Variants in ALDH1L1 observed in about 807,000 individuals in gnomAD.
The protein encoded by ALDH1L1 is aldehyde dehydrogenase 1 family member L1, also known as cytosolic 10-formyltetrahydrofolate dehydrogenase.
A neutral mutation model predicts 101.1 loss-of-function variants in ALDH1L1; 68 were observed. The ratio of observed to expected loss-of-function variants is 0.67; its 90% CI spans 0.55 to 0.82. ALDH1L1 has a LOEUF of 0.82. Ranked by LOEUF, ALDH1L1 falls within the 40% of genes least tolerant of loss-of-function variation. The pLI, the probability that ALDH1L1 is intolerant of heterozygous loss-of-function variation, is 0.00. For missense variants in ALDH1L1, 1,087 were observed against 1,172.7 expected (o/e 0.93, Z 1.07); for synonymous variants, 486 against 470.8 (o/e 1.03, Z -0.42).
chr3:126,112,950 C>A, intron 18 of ALDH1L1, 70 bp from the exon 19 acceptor site: 1 of 1,412,978 alleles, frequency 7.1e-7, no homozygotes. Context: ...TCTGCCAGGG[C>A]CCAGCCGCCT....
chr3:126,183,944 T>G (rs1019862174), upstream of ALDH1L1, among the ~76,000 whole-genome samples: 1 of 152,192 alleles, frequency 6.6e-6, no homozygotes, highest in African/African-American at 2.4e-5. Context: ...AGGATGTAAG[T>G]AGTTTGTGGC....
chr3:126,155,193 A>ATGGACCCTG (rs2080880525), intron 5 of ALDH1L1, among the ~76,000 whole-genome samples: 1 of 152,206 alleles, frequency 6.6e-6, no homozygotes, highest in Admixed American at 6.5e-5. Flanking sequence ...AGAACCTGGA[A>ATGGACCCTG]TGGACCCTGT....
chr3:126,125,643 C>A lies in ALDH1L1; in HGVS notation c.1773G>T (p.Gly591=). 6.3e-7 allele frequency: 1 copy of A among 1,598,208 alleles called. No individual in the cohort carries two copies. The change falls in exon 15 of 23, where the codon GGG becomes GGT. Residue 591 remains glycine, a synonymous_variant. Coordinates refer to ENST00000393434, the MANE Select transcript of ALDH1L1 (RefSeq NM_012190.4). ...GAGCAGGCTTGATCACCACTGTGTT[C>A]CCGGCAGCCAGGCAGGCAGCTGTCT... ...SWKTAACLAA[G]NTVVIKPAQV...
intron 2 of ALDH1L1, among the ~76,000 whole-genome samples, chr3:126,160,124 C>G (rs895162345): frequency 6.6e-6 from 1 of 152,194 alleles, no homozygotes; most frequent in Non-Finnish European, 1.5e-5. Flanking sequence ...ATTCTCAAAA[C>G]GTGCTTTTCC....
intron 1 of ALDH1L1, among the ~76,000 whole-genome samples, chr3:126,175,369 T>C (rs2081350713): frequency 6.6e-6 from 1 of 152,164 alleles, no homozygotes; most frequent in African/African-American, 2.4e-5. Context: ...CTAATTTTCT[T>C]GGGTCAGAAT....
intron 1 of ALDH1L1, among the ~76,000 whole-genome samples, chr3:126,161,808 C>T (rs1417728382): frequency 1.3e-5 from 2 of 152,172 alleles, no homozygotes; most frequent in South Asian, 4.2e-4. Context: ...ATGAATTTCA[C>T]AAACCAAACA....
chr3:126,114,530 C>A (rs1361635999), intron 18 of ALDH1L1, 27 bp downstream of exon 18: 3 of 1,479,794 alleles, frequency 2.0e-6, no homozygotes, highest in Non-Finnish European at 2.7e-6. Flanking sequence ...GCTCACTGTC[C>A]CTGCCCCCTC....
chr3:126,181,167 C>T (rs1053654930), upstream of ALDH1L1: 1 of 685,700 alleles, frequency 1.5e-6, no homozygotes, highest in Admixed American at 2.4e-5. Context: ...CTCCCTTCTA[C>T]TCAGTCCTGG....
chr3:126,106,209 T>C (rs1265268787), intron 21 of ALDH1L1, among the ~76,000 whole-genome samples: 1 of 152,162 alleles, frequency 6.6e-6, no homozygotes, highest in African/African-American at 2.4e-5. Context: ...CGCTGGGTCC[T>C]CACATGCAGA....
chr3:126,125,534 C>T lies in ALDH1L1; in HGVS notation c.1800+82G>A, dbSNP rs891168804. 3.5e-6 allele frequency: 4 copies of T among 1,129,830 alleles called. No homozygotes were observed. In the South Asian group the frequency reaches 7.9e-5, roughly 22 times the overall value. The allele number at this position is 1,129,830 out of a possible 1,614,324, so 70.0% of individuals were successfully genotyped here. A position where few individuals can be genotyped will look rare whatever the true frequency, so the allele number is the denominator to read the frequency against. On this transcript the variant is annotated intron_variant, in intron 15 of 22. Transcript: ENST00000393434. ...CCAGTGCCCGTGTGGCCAAGAGAGG[C>T]CCTTCCCTTCCTCCCTTATAGAGTG...
rs146614895 is a variant in ALDH1L1 at position 126,135,204 on chromosome 3, G to A, written c.1472+331C>T. The A allele has an allele frequency of 4.5e-4, 110 of 242,134 alleles. 1 individual carries two copies. The highest frequency in any genetic ancestry group is 2.4e-3 in the African/African-American group (102 of 42,768). 15.0% of individuals were successfully genotyped at this position (242,134 alleles called of 1,614,324 possible). A position where few individuals can be genotyped will look rare whatever the true frequency, so the allele number is the denominator to read the frequency against. ...TAAGTCCCCTCCAGCCCAGGCTGGT[G>A]AGGGAAGTGCTTTGTCTGCCTGGGA... On this transcript the variant is annotated intron_variant, in intron 12 of 22. Transcript: ENST00000393434.
chr3:126,194,705 G>C (rs960419193), intron 1 of ALDH1L1, among the ~76,000 whole-genome samples: 1 of 152,090 alleles, frequency 6.6e-6, no homozygotes, highest in East Asian at 1.9e-4. Flanking sequence ...CAGACCCTTA[G>C]CTTTTTCTTA....
At chr3:126,153,775 T>C (rs1195584883) in intron 6 of ALDH1L1, among the ~76,000 whole-genome samples, 194 bp from the exon 7 acceptor site, 2 of 152,160 alleles carry the variant, frequency 1.3e-5, no homozygotes, top group African/African-American at 4.8e-5. Context: ...GGAGCCTCAG[T>C]GGCCTCAGGG....
intron 12 of ALDH1L1, 135 bp from the exon 13 acceptor site, chr3:126,131,669 C>G: frequency 1.0e-6 from 1 of 966,560 alleles, no homozygotes; most frequent in South Asian, 1.8e-5. Flanking sequence ...TGCGGACCTC[C>G]GTTTCTGATC....
intron 3 of ALDH1L1, 138 bp downstream of exon 3, chr3:126,158,267 C>G (rs969123884): frequency 2.6e-6 from 2 of 773,348 alleles, no homozygotes; most frequent in Admixed American, 2.9e-5. Flanking sequence ...TGGCTGACAT[C>G]TGGCAGCCAC....
chr3:126,195,869 A>G lies in ALDH1L1; in HGVS notation c.-24+1866T>C, dbSNP rs190794388. ...CAGCAAACTATCGCAAGGACAAAAA[A>G]CCAAACACCGCACGTTCTCACTCAT... On this transcript the variant is annotated intron_variant, in intron 1 of 2. Transcript: ENST00000509952. 4.2e-3 allele frequency among the ~76,000 whole-genome samples: 640 copies of G among 152,304 alleles called. 6 individuals are homozygous for G. The highest frequency in any genetic ancestry group is 0.013 in the African/African-American group (551 of 41,552).
upstream of ALDH1L1, among the ~76,000 whole-genome samples, chr3:126,182,480 G>A (rs554827907): frequency 5.9e-5 from 9 of 152,238 alleles, no homozygotes; most frequent in South Asian, 1.7e-3. Context: ...CACTGCTTCT[G>A]GGATTGCTTG....
chr3:126,123,899 T>C (rs1233535620), intron 16 of ALDH1L1, among the ~76,000 whole-genome samples: 1 of 152,018 alleles, frequency 6.6e-6, no homozygotes, highest in African/African-American at 2.4e-5. Flanking sequence ...AATTATGAGA[T>C]TATTATATAC....
At chr3:126,162,704 T>C (rs2081086173) in intron 1 of ALDH1L1, among the ~76,000 whole-genome samples, 1 of 152,194 alleles carries the variant, frequency 6.6e-6, no homozygotes, top group Admixed American at 6.5e-5. Context: ...ATATAGTACA[T>C]TTTATCAAAC....
Sources: allele counts gnomAD v4.1 joint callset (sites outside exome capture counted in the v4.1 genomes callset), GRCh38; gene constraint gnomAD v4.1.1; transcripts MANE v1.5; gene names NCBI Gene and HGNC (gene_info 2026-07-23, HGNC 2026-07-21).